Variants in RNASEH1 observed in about 807,000 individuals in gnomAD.
RNASEH1 encodes ribonuclease H type II.
Under a neutral mutation model 34.6 loss-of-function variants are expected in RNASEH1, and 27 were observed. That is an observed-to-expected ratio of 0.78 (90% CI 0.58 to 1.08). RNASEH1 has a LOEUF of 1.08. Among genes scored for constraint, RNASEH1 ranks in the 50% least tolerant of loss-of-function variants. The pLI, the probability that RNASEH1 is intolerant of heterozygous loss-of-function variation, is 0.00. For missense variants in RNASEH1, 349 were observed against 373.6 expected (o/e 0.93, Z 0.54); for synonymous variants, 162 against 138.4 (o/e 1.17, Z -1.20).
chr2:3,551,564 T>C (rs543233669), intron 3 of RNASEH1, among the ~76,000 whole-genome samples: 2 of 152,264 alleles, frequency 1.3e-5, no homozygotes, highest in Non-Finnish European at 1.5e-5. Context: ...CTGGTTTCCC[T>C]TGAATTAAAT....
chr2:3,536,000 C>A, the RNASEH1 span, among the ~76,000 whole-genome samples: 2 of 152,226 alleles, frequency 1.3e-5, no homozygotes, highest in South Asian at 4.1e-4. Flanking sequence ...AGAGCCAGCA[C>A]CAGGTCCTGT....
the RNASEH1 span, chr2:3,534,236 G>C: frequency 6.6e-6 from 1 of 152,382 alleles, no homozygotes; most frequent in South Asian, 2.1e-4. Context: ...TCTTCTGGAT[G>C]TGGGACAAGA....
At chr2:3,546,973 A>G (rs1668815856) in intron 7 of RNASEH1, among the ~76,000 whole-genome samples, 1 of 152,174 alleles carries the variant, frequency 6.6e-6, no homozygotes, top group South Asian at 2.1e-4. Flanking sequence ...AAATACAAAA[A>G]TTAGCCAGGC....
In RNASEH1 at chr2:3,558,057, G is replaced by A. The variant is rs1000555172; in HGVS notation, c.128+76C>T. On this transcript the variant is annotated intron_variant, in intron 1 of 7. Coordinates refer to ENST00000315212, the MANE Select transcript of RNASEH1 (RefSeq NM_002936.6). The stretch of plus-strand genomic sequence containing the variant: ...AGACTCGGACCGCCAGGCTCCCGCC[G>A]CCGGGGTTAGCCGGGCTCCGGCCTC... 17 of 1,488,858 alleles carry A rather than the reference G, an allele frequency of 1.1e-5. No individual in the cohort carries two copies. In the Admixed American group the frequency reaches 1.4e-4, roughly 13 times the overall value. 92.2% of individuals were successfully genotyped at this position (1,488,858 alleles called of 1,614,324 possible). A position where few individuals can be genotyped will look rare whatever the true frequency, so the allele number is the denominator to read the frequency against.
In RNASEH1 at chr2:3,558,256, C is replaced by T. The variant is rs375541871; in HGVS notation, c.5G>A (p.Ser2Asn). The T allele has an allele frequency of 1.3e-6, 2 of 1,583,710 alleles. No individual in the cohort carries two copies. The highest frequency in any genetic ancestry group is 2.8e-5 in the African/African-American group (2 of 72,650). Residue 2 changes from serine (S) to asparagine (N), a missense_variant, in exon 1 of 8, where the codon AGC (serine) becomes AAC (asparagine). Ser to Asn is a conservative substitution (Grantham distance 46, BLOSUM62 1). Around this residue, in one of 2 missense-constraint regions of RNASEH1, gnomAD observed 256 missense variants for 240.7 expected, o/e 1.06. Transcript: ENST00000315212. ...TCTGTGGGCCAGGAACAGAAGCCAG[C>T]TCATCGCTCACTCCCGGCACCGGGA... MSWLLFLAHRVA... is the reference protein window; with the variant it reads MNWLLFLAHRVA...
chr2:3,532,637 G>T, the RNASEH1 span, among the ~76,000 whole-genome samples: 4 of 152,200 alleles, frequency 2.6e-5, no homozygotes, highest in African/African-American at 9.7e-5. Flanking sequence ...GTAAGGATTT[G>T]TGTATCTAAG....
chr2:3,535,152 T>A, the RNASEH1 span, among the ~76,000 whole-genome samples: 5 of 152,120 alleles, frequency 3.3e-5, no homozygotes, highest in Admixed American at 2.0e-4. Flanking sequence ...CCGCAGTGGT[T>A]CACACCTGTA....
chr2:3,539,055 A>G (rs571766817), downstream of RNASEH1, among the ~76,000 whole-genome samples: 1 of 151,986 alleles, frequency 6.6e-6, no homozygotes, highest in African/African-American at 2.4e-5. Flanking sequence ...TTTTTTTTCA[A>G]TTTCTAGTTC....
rs1274368340 is a variant in RNASEH1 at position 3,542,752 on chromosome 2, G to T, written c.*3033C>A. Among the ~76,000 whole-genome samples the T allele has an allele frequency of 6.6e-6, 1 of 152,182 alleles. No individual in the cohort carries two copies. The highest frequency in any genetic ancestry group is 2.4e-5 in the African/African-American group (1 of 41,446). On this transcript the variant is annotated 3_prime_UTR_variant, in exon 8 of 8. Coordinates refer to ENST00000315212, the MANE Select transcript of RNASEH1 (RefSeq NM_002936.6). ...CATTGTCCTGTGTCTTGAGAAGCAG[G>T]ATTCCGAGTGCAGGAGACACAGACA...
At position 3,545,736 on chromosome 2, in the gene RNASEH1, G is replaced by T; in HGVS notation, c.*49C>A. 1 of 1,312,380 alleles carries T rather than the reference G, an allele frequency of 7.6e-7. No homozygotes were observed. Among genetic ancestry groups the T allele is most frequent in the Admixed American group, 1.7e-5 (1 of 59,612 alleles). 81.3% of individuals were successfully genotyped at this position (1,312,380 alleles called of 1,614,324 possible). ...TTTTCCACACCAGTAAGTACAGGCA[G>T]CAAGACAGCCGCTGGCTCAAGTTCT... On this transcript the variant is annotated 3_prime_UTR_variant, in exon 8 of 8. Transcript: ENST00000315212.
intron 2 of RNASEH1, among the ~76,000 whole-genome samples, chr2:3,556,160 ACT>A (rs1354152953): frequency 3.3e-5 from 5 of 150,348 alleles, no homozygotes; most frequent in African/African-American, 1.2e-4. Flanking sequence ...CGCAACAGAG[ACT>A]CTGTCTCAAG....
At chr2:3,537,595 C>T (rs949939396), downstream of RNASEH1, among the ~76,000 whole-genome samples, 8 of 152,202 alleles carry the variant, frequency 5.3e-5, no homozygotes, top group African/African-American at 1.4e-4. Context: ...GTGGCACACA[C>T]TTGTAGTCCC....
At chr2:3,534,456 C>T in the RNASEH1 span, among the ~76,000 whole-genome samples, 2 of 152,242 alleles carry the variant, frequency 1.3e-5, no homozygotes, top group Non-Finnish European at 1.5e-5. Flanking sequence ...ACGCCCTGCT[C>T]GCCAAGTCAC....
chr2:3,548,835 C>A lies in RNASEH1; in HGVS notation c.565-111G>T, dbSNP rs1342379516. ...ATCCCCTCTGTACTGATTATATTCT[C>A]TGTATGAAACACTACTATACATACA... is the stretch of plus-strand genomic sequence containing the variant. On this transcript the variant is annotated intron_variant, in intron 5 of 7. Transcript: ENST00000315212. The A allele has an allele frequency of 6.4e-6, 5 of 783,364 alleles. No individual in the cohort carries two copies. In the African/African-American group the frequency reaches 6.9e-5, roughly 11 times the overall value. The allele number at this position is 783,364 out of a possible 1,614,324, so 48.5% of individuals were successfully genotyped here.
chr2:3,555,762 G>A (rs1044323007), intron 2 of RNASEH1, among the ~76,000 whole-genome samples: 8 of 152,046 alleles, frequency 5.3e-5, no homozygotes, highest in African/African-American at 1.7e-4. Context: ...CTCTAAAGTC[G>A]TCACCCTGCT....
rs1660000557 is a variant in RNASEH1 at position 3,552,209 on chromosome 2, G to A, written c.344C>T (p.Ala115Val). The A allele has an allele frequency of 6.2e-7, 1 of 1,613,206 alleles. No individual in the cohort carries two copies. The highest frequency in any genetic ancestry group is 8.5e-7 in the Non-Finnish European group (1 of 1,179,986). ...GDGHESAEPYAKHMKPSVEPA... is the reference protein window; with the variant it reads ...GDGHESAEPYVKHMKPSVEPA... ...CTCCACGCTCGGCTTCATGTGCTTT[G>A]CATACGGCTCTGCGCTTTCATGTCC... The change falls in exon 3 of 8, where the codon GCA becomes GTA. Residue 115 changes from alanine to valine, a missense_variant. Ala to Val is a moderately conservative substitution (Grantham distance 64). This residue lies in a region of RNASEH1 where 256 missense variants were observed against 240.7 expected (regional missense o/e 1.06). Coordinates refer to ENST00000315212, the MANE Select transcript of RNASEH1 (RefSeq NM_002936.6).
At chr2:3,547,568 A>G (rs1031053755) in intron 7 of RNASEH1, among the ~76,000 whole-genome samples, 3 of 151,656 alleles carry the variant, frequency 2.0e-5, no homozygotes, top group African/African-American at 7.3e-5. Flanking sequence ...GCTCACTGCA[A>G]CTTCCGCCTC....
chr2:3,536,232 C>A, the RNASEH1 span, among the ~76,000 whole-genome samples: 1 of 152,218 alleles, frequency 6.6e-6, no homozygotes, highest in South Asian at 2.1e-4. Context: ...ACGTGTGTGG[C>A]TTTATCTGGT....
chr2:3,555,457 G>A (rs1486235726), intron 2 of RNASEH1, among the ~76,000 whole-genome samples: 1 of 152,186 alleles, frequency 6.6e-6, no homozygotes, highest in African/African-American at 2.4e-5. Context: ...AGAGGGTGAA[G>A]CAGATGCACT....
Sources: allele counts gnomAD v4.1 joint callset (sites outside exome capture counted in the v4.1 genomes callset), GRCh38; gene constraint gnomAD v4.1.1; regional missense constraint gnomAD v4.1.1; transcripts MANE v1.5; gene names NCBI Gene and HGNC (gene_info 2026-07-23, HGNC 2026-07-21).